Variants in PTK2B observed in about 807,000 individuals in gnomAD.
The protein encoded by PTK2B is protein tyrosine kinase 2 beta.
PTK2B carries 71 observed loss-of-function variants against 142.9 expected under a neutral mutation model. The ratio of observed to expected loss-of-function variants is 0.50; its 90% CI spans 0.41 to 0.61. The LOEUF (loss-of-function observed/expected upper bound fraction) is 0.61, where lower values mean the gene tolerates loss of function less well. Ranked by LOEUF, PTK2B falls within the 20% of genes least tolerant of loss-of-function variation. The pLI is 0.00. For missense variants in PTK2B, 1,105 were observed against 1,320.4 expected, an observed-to-expected ratio of 0.84 and a Z score of 2.53; for synonymous variants, 519 against 503.4, an observed-to-expected ratio of 1.03 and a Z score of -0.42.
At chr8:27,346,085 G>T (rs1053473662) in intron 1 of PTK2B, among the ~76,000 whole-genome samples, 4 of 152,214 alleles carry the variant, frequency 2.6e-5, no homozygotes, top group Non-Finnish European at 5.9e-5. Context: ...TTGAAGTTAA[G>T]GAGAAGCTGA....
chr8:27,450,889 G>A lies in PTK2B; in HGVS notation c.2481G>A (p.Lys827=). Residue 827 remains lysine, a synonymous_variant, in exon 25 of 31, where the codon AAG becomes AAA. Coordinates refer to ENST00000346049, the MANE Select transcript of PTK2B (RefSeq NM_173176.3). The part of the protein sequence containing the change: ...EDYQWLRQEE[K]SLDPMVYMND... Reference sequence around the variant, plus strand: ...ACCAGTGGCTCAGGCAGGAGGAGAAGTCCCTGGTGAGCACCCCAGGAAGGA... The same window carrying A: ...ACCAGTGGCTCAGGCAGGAGGAGAAATCCCTGGTGAGCACCCCAGGAAGGA... 1 of 1,614,224 alleles carries A rather than the reference G, an allele frequency of 6.2e-7. No homozygotes were observed.
chr8:27,356,952 C>T (rs1205071711), intron 1 of PTK2B, among the ~76,000 whole-genome samples: 5 of 152,138 alleles, frequency 3.3e-5, no homozygotes, highest in Non-Finnish European at 1.5e-5. Context: ...AGTCTTTTCA[C>T]GGTGATGAAA....
At chr8:27,435,663 C>G in intron 13 of PTK2B, 80 bp from the exon 14 acceptor site, 2 of 1,526,218 alleles carry the variant, frequency 1.3e-6, no homozygotes, top group African/African-American at 1.4e-5. Flanking sequence ...TGGCCTCCAG[C>G]AGGGAGCCCC....
upstream of PTK2B, chr8:27,311,336 C>T: frequency 7.4e-7 from 1 of 1,358,882 alleles, no homozygotes; most frequent in South Asian, 1.5e-5. Flanking sequence ...ATCGCCCAGT[C>T]CCTTCCCCTG....
chr8:27,394,020 G>T (rs543236552), intron 1 of PTK2B, among the ~76,000 whole-genome samples: 1 of 152,298 alleles, frequency 6.6e-6, no homozygotes, highest in African/African-American at 2.4e-5. Flanking sequence ...GTGAACATCA[G>T]AGTACTTAGA....
intron 1 of PTK2B, among the ~76,000 whole-genome samples, chr8:27,358,096 G>A (rs895110186): frequency 3.9e-5 from 6 of 152,304 alleles, no homozygotes; most frequent in East Asian, 1.9e-4. Context: ...CATAGTAGAC[G>A]TTCCCTTTTT....
intron 11 of PTK2B, among the ~76,000 whole-genome samples, chr8:27,433,877 G>A (rs1460097731): frequency 6.6e-6 from 1 of 152,238 alleles, no homozygotes; most frequent in Non-Finnish European, 1.5e-5. Flanking sequence ...CAGGAAGCAG[G>A]GGTCACAGCT....
intron 3 of PTK2B, among the ~76,000 whole-genome samples, chr8:27,319,834 T>G (rs1292117939): frequency 1.3e-5 from 2 of 152,042 alleles, no homozygotes; most frequent in Admixed American, 1.3e-4. Context: ...GAAAATAGGA[T>G]AAATGGTGGT....
At chr8:27,311,223 G>T, upstream of PTK2B, 2 of 1,558,258 alleles carry the variant, frequency 1.3e-6, no homozygotes. Flanking sequence ...GACACGTCGG[G>T]ACTCCGCTCC....
intron 1 of PTK2B, among the ~76,000 whole-genome samples, chr8:27,383,476 G>A (rs938347338): frequency 6.6e-6 from 1 of 151,998 alleles, no homozygotes; most frequent in Non-Finnish European, 1.5e-5. Context: ...GAAATGGCTG[G>A]TCTCGAGCTC....
chr8:27,392,164 C>T (rs2131327597), intron 1 of PTK2B, among the ~76,000 whole-genome samples: 1 of 152,288 alleles, frequency 6.6e-6, no homozygotes, highest in Admixed American at 6.5e-5. Context: ...TGAACAAGTT[C>T]TATCATCAAG....
At chr8:27,423,296 C>T (rs189723478) in intron 5 of PTK2B, among the ~76,000 whole-genome samples, 1 of 152,270 alleles carries the variant, frequency 6.6e-6, no homozygotes, top group Admixed American at 6.5e-5. Flanking sequence ...AGGGCAGCAC[C>T]ATTGAGTTTC....
chr8:27,342,477 G>A (rs1804463581), intron 1 of PTK2B, among the ~76,000 whole-genome samples: 1 of 151,990 alleles, frequency 6.6e-6, no homozygotes, highest in Non-Finnish European at 1.5e-5. Context: ...TGCCCACCCT[G>A]GTTGAAACAA....
At chr8:27,367,577 C>T (rs968649457) in intron 1 of PTK2B, among the ~76,000 whole-genome samples, 16 of 152,176 alleles carry the variant, frequency 1.1e-4, no homozygotes. Context: ...GGGTTTGTAT[C>T]AATTTCTTTG....
intron 2 of PTK2B, among the ~76,000 whole-genome samples, chr8:27,408,094 G>GT (rs1808834095): frequency 6.6e-6 from 1 of 152,136 alleles, no homozygotes; most frequent in Admixed American, 6.5e-5. Flanking sequence ...AGAAGCAAAA[G>GT]TTTTTCTCTG....
At chr8:27,446,333 G>C (rs973892848) in intron 24 of PTK2B, among the ~76,000 whole-genome samples, 8 of 152,196 alleles carry the variant, frequency 5.3e-5, no homozygotes, top group Non-Finnish European at 8.8e-5. Flanking sequence ...TCAGTCAAAG[G>C]AAAGGCTTTC....
chr8:27,415,026 A>G (rs1249173054), intron 2 of PTK2B, among the ~76,000 whole-genome samples: 2 of 152,218 alleles, frequency 1.3e-5, no homozygotes, highest in Non-Finnish European at 2.9e-5. Context: ...CAGTCTGCGA[A>G]GGAGATTGCT....
chr8:27,412,286 G>A (rs1009252552), intron 2 of PTK2B, among the ~76,000 whole-genome samples: 3 of 152,138 alleles, frequency 2.0e-5, no homozygotes, highest in Non-Finnish European at 4.4e-5. Context: ...CTGATTACCC[G>A]GTTGGTCTTT....
chr8:27,403,733 C>T lies in PTK2B; in HGVS notation c.204+5945C>T, dbSNP rs376202415. On this transcript the variant is annotated intron_variant, in intron 2 of 30. Coordinates refer to ENST00000346049, the MANE Select transcript of PTK2B (RefSeq NM_173176.3). ...GGCACCCAGACGTGCCCACACAGGGCGGCTCTCTTTGGCTCTTGCTGCTGC... is the reference window on the plus strand; with the variant it reads ...GGCACCCAGACGTGCCCACACAGGGTGGCTCTCTTTGGCTCTTGCTGCTGC... Among the ~76,000 whole-genome samples the T allele has an allele frequency of 1.5e-3, 229 of 151,382 alleles. 1 individual carries two copies. The highest frequency in any genetic ancestry group is 5.1e-3 in the African/African-American group (210 of 40,802).
Sources: gnomAD v4.1 joint callset for allele counts (sites outside exome capture counted in the v4.1 genomes callset) on GRCh38, gnomAD v4.1.1 for gene constraint, MANE v1.5 for transcripts, NCBI Gene and HGNC (gene_info 2026-07-23, HGNC 2026-07-21) for gene names.